The following DDX55 variants were observed in gnomAD, a reference collection of about 807,000 sequenced individuals.
DDX55 encodes the protein DEAD-box helicase 55.
DDX55 carries 56 observed loss-of-function variants against 69.2 expected under a neutral mutation model. That is an observed-to-expected ratio of 0.81 (90% CI 0.65 to 1.01). DDX55 has a LOEUF of 1.01. Ranked by LOEUF, DDX55 falls within the 50% of genes least tolerant of loss-of-function variation. DDX55 has a pLI of 0.00. For synonymous variants in DDX55, 268 were observed against 273.1 expected, an observed-to-expected ratio of 0.98 and a Z score of 0.18; for missense variants, 720 against 745.1, an observed-to-expected ratio of 0.97 and a Z score of 0.39.
intron 7 of DDX55, among the ~76,000 whole-genome samples, chr12:123,612,455 G>A (rs769115942): frequency 6.6e-6 from 1 of 152,170 alleles, no homozygotes. Flanking sequence ...TTTGAATGGA[G>A]GACTTGATTG....
chr12:123,605,152 C>T (rs1312771258), intron 1 of DDX55: 1 of 152,786 alleles, frequency 6.5e-6, no homozygotes, highest in Non-Finnish European at 1.5e-5. Flanking sequence ...TCCTGAGTAG[C>T]TGGGACTGCA....
At chr12:123,618,609 A>T in intron 11 of DDX55, 60 bp from the exon 12 acceptor site, 2 of 1,578,268 alleles carry the variant, frequency 1.3e-6, no homozygotes, top group Admixed American at 3.6e-5. Context: ...TGTGATGGGG[A>T]GCCCTGGGGA....
chr12:123,613,150 T>G lies in DDX55; in HGVS notation c.742-20T>G. Reference sequence around the variant, plus strand: ...TATTGCCAAATATGTTTTTTATTAGTTTCCCTTTTTATTTTGCAGGTATGC... The same window carrying G: ...TATTGCCAAATATGTTTTTTATTAGGTTCCCTTTTTATTTTGCAGGTATGC... On this transcript the variant is annotated intron_variant, in intron 7 of 13. Transcript: ENST00000238146. 6.2e-7 allele frequency: 1 copy of G among 1,612,834 alleles called. No homozygotes were observed. The highest frequency in any genetic ancestry group is 8.5e-7 in the Non-Finnish European group (1 of 1,179,054).
chr12:123,615,938 C>T (rs896619724), intron 9 of DDX55, among the ~76,000 whole-genome samples: 10 of 152,232 alleles, frequency 6.6e-5, no homozygotes, highest in Admixed American at 1.3e-4. Context: ...GCCGAGACTG[C>T]GCCAGTGCAC....
chr12:123,620,580 T>TTTTATA lies in DDX55; in HGVS notation c.*441_*442insTTATAT, dbSNP rs1491406627. On this transcript the variant is annotated 3_prime_UTR_variant, in exon 14 of 14. Coordinates refer to ENST00000238146, the MANE Select transcript of DDX55 (RefSeq NM_020936.3). Reference sequence around the variant, plus strand: ...GGTCACATATAGACATATGTACATATTATATATATATATATATATATATAT... The same window carrying TTTTATA: ...GGTCACATATAGACATATGTACATATTTTATATATATATATATATATATATATATAT... 6.1e-5 allele frequency: 4 copies of TTTTATA among 65,360 alleles called. No homozygotes were observed. The highest frequency in any genetic ancestry group is 2.8e-3 in the East Asian group (2 of 724). The allele number at this position is 65,360 out of a possible 1,614,324, so 4.0% of individuals were successfully genotyped here.
chr12:123,620,133 A>C lies in DDX55; in HGVS notation c.1796A>C (p.Asp599Ala), dbSNP rs17856855. ...TTAGGGATCTCAGATTTGGAAGATGACTGCTGATTCCAGTGCCACAGATGA... is the reference window on the plus strand; with the variant it reads ...TTAGGGATCTCAGATTTGGAAGATGCCTGCTGATTCCAGTGCCACAGATGA... ...VDLGISDLED[D>A]C Residue 599 changes from aspartate (D) to alanine (A), a missense_variant, in exon 14 of 14, where the codon GAC (aspartate) becomes GCC (alanine). Asp to Ala is a moderately radical substitution (Grantham distance 126). Transcript: ENST00000238146. 6.2e-7 allele frequency: 1 copy of C among 1,613,488 alleles called. No homozygotes were observed. The highest frequency in any genetic ancestry group is 8.5e-7 in the Non-Finnish European group (1 of 1,179,690).
At chr12:123,610,931 C>T (rs1451149909) in intron 7 of DDX55, among the ~76,000 whole-genome samples, 3 of 135,056 alleles carry the variant, frequency 2.2e-5, no homozygotes, top group Admixed American at 7.6e-5. Context: ...GACGGGGTCT[C>T]ACCCTGTCAC....
In DDX55 at chr12:123,602,187, T is replaced by C; in HGVS notation, c.39T>C (p.Pro13=). The change falls in exon 1 of 14, where the codon CCT becomes CCC. Residue 13 remains proline, a synonymous_variant. Transcript: ENST00000238146. ...CAGAGGGCTCCTGGGAGTCGCTGCC[T>C]GTGCCGCTGCACCCGCAGGTGCTGG... ...HVTEGSWESL[P]VPLHPQVLGA... 1 of 1,569,826 alleles carries C rather than the reference T, an allele frequency of 6.4e-7. No homozygotes were observed.
intron 1 of DDX55, among the ~76,000 whole-genome samples, chr12:123,603,473 C>T (rs1469354465): frequency 1.3e-5 from 2 of 148,986 alleles, no homozygotes; most frequent in Admixed American, 6.8e-5. Context: ...CTCACTGCAA[C>T]CTCCGCCTCC....
chr12:123,616,062 G>C (rs1954640740), intron 9 of DDX55, among the ~76,000 whole-genome samples: 1 of 152,184 alleles, frequency 6.6e-6, no homozygotes, highest in Non-Finnish European at 1.5e-5. Flanking sequence ...CAGGCAACTT[G>C]TGTCTACCAA....
chr12:123,619,472 G>C lies in DDX55; in HGVS notation c.1374G>C (p.Leu458=). The C allele has an allele frequency of 6.2e-7, 1 of 1,613,876 alleles. No homozygotes were observed. Among genetic ancestry groups the C allele is most frequent in the Non-Finnish European group, 8.5e-7 (1 of 1,179,874 alleles). The change falls in exon 13 of 14, where the codon CTG becomes CTC. Residue 458 remains leucine, a synonymous_variant. Coordinates refer to ENST00000238146, the MANE Select transcript of DDX55 (RefSeq NM_020936.3). ...FASLARGFAL[L]RMPKMPELRG... is the part of the protein sequence containing the mutation. Reference sequence around the variant, plus strand: ...GCCTTGCTCGAGGTTTTGCCCTGCTGAGGATGCCCAAGATGCCAGAATTGA... The same window carrying C: ...GCCTTGCTCGAGGTTTTGCCCTGCTCAGGATGCCCAAGATGCCAGAATTGA...
chr12:123,603,726 TC>T (rs1413797788), intron 1 of DDX55, among the ~76,000 whole-genome samples: 1 of 151,928 alleles, frequency 6.6e-6, no homozygotes, highest in Non-Finnish European at 1.5e-5. Context: ...TGTTACCATT[TC>T]CCAAGAATGA....
At position 123,607,657 on chromosome 12, in the gene DDX55, A is replaced by G. The variant is rs767924924; in HGVS notation, c.396A>G (p.Gln132=). The change falls in exon 5 of 14, where the codon CAA becomes CAG. Residue 132 remains glutamine, a synonymous_variant. Transcript: ENST00000238146. ...GAGAAGATGTTGAGAGGTTTAAGCA[A>G]CAAGGGTGAGTTTGCTCGTGTCTGC... ...NPGEDVERFK[Q]QGGNIIVATP... is the part of the protein sequence containing the mutation. The G allele has an allele frequency of 3.1e-6, 5 of 1,614,030 alleles. No homozygotes were observed. The Admixed American group carries it at 5.0e-5, about 16-fold the overall frequency.
rs748903983 is a variant in DDX55, at chr12:123,615,197, T to G, written c.837T>G (p.Cys279Trp). 1 of 1,614,074 alleles carries G rather than the reference T, an allele frequency of 6.2e-7. No homozygotes were observed. Among genetic ancestry groups the G allele is most frequent in the East Asian group, 2.2e-5 (1 of 44,872 alleles). ...KHLVFFSTCA[C>W]VEYYGKALEV... is the part of the protein sequence containing the mutation. Reference sequence around the variant, plus strand: ...GTCCCTCTTGCAGCACCTGTGCCTGTGTGGAATACTATGGGAAGGCTCTGG... The same window carrying G: ...GTCCCTCTTGCAGCACCTGTGCCTGGGTGGAATACTATGGGAAGGCTCTGG... Residue 279 changes from cysteine to tryptophan, a missense_variant, in exon 9 of 14, where the codon TGT (cysteine) becomes TGG (tryptophan). Cys to Trp is a radical substitution (Grantham distance 215). Coordinates refer to ENST00000238146, the MANE Select transcript of DDX55 (RefSeq NM_020936.3).
intron 1 of DDX55, chr12:123,605,489 G>C (rs1953832393): frequency 6.5e-6 from 2 of 306,016 alleles, no homozygotes; most frequent in South Asian, 5.9e-5. Context: ...ATCCTGGAGG[G>C]AGCAGCCTCC....
At chr12:123,607,991 G>A in intron 5 of DDX55, 1 of 361,830 alleles carries the variant, frequency 2.8e-6, no homozygotes, top group East Asian at 5.4e-5. Flanking sequence ...GGAGGACTCG[G>A]CTCAGTAGTG....
chr12:123,617,632 C>T, intron 10 of DDX55, 126 bp from the exon 11 acceptor site: 2 of 682,340 alleles, frequency 2.9e-6, no homozygotes, highest in Non-Finnish European at 4.8e-6. Context: ...GTGGCCGAGT[C>T]CACACTGAGC....
chr12:123,613,211 T>C lies in DDX55; in HGVS notation c.783T>C (p.Phe261=), dbSNP rs1335977811. 5.0e-6 allele frequency: 8 copies of C among 1,614,100 alleles called. No individual in the cohort carries two copies. In the African/African-American group the frequency reaches 9.3e-5, roughly 19 times the overall value. Residue 261 remains phenylalanine (F), a synonymous_variant, in exon 8 of 14, where the codon TTT becomes TTC. Transcript: ENST00000238146. ...AGAAATTTAATCAGCTGGTCCATTTTCTTCGCAATCATAAGCAGGAGAAAC... is the reference window on the plus strand; with the variant it reads ...AGAAATTTAATCAGCTGGTCCATTTCCTTCGCAATCATAAGCAGGAGAAAC... ...ADEKFNQLVH[F]LRNHKQEKHL...
Position 123,617,845 on chromosome 12 carries a change from C to G in DDX55, c.1137C>G (p.Tyr379Ter). ...LVFLLPMEESYINFLAINQKC... is the reference protein window; with the variant it reads ...LVFLLPMEES ...TCCTCCTGCCCATGGAAGAGTCATACATCAATTTCCTTGCAATTAACCAAA... is the reference window on the plus strand; with the variant it reads ...TCCTCCTGCCCATGGAAGAGTCATAGATCAATTTCCTTGCAATTAACCAAA... Residue 379 changes from tyrosine to a stop codon, truncating the protein, a stop_gained, in exon 11 of 14, where the codon TAC becomes TAG. Transcript: ENST00000238146. LOFTEE classifies it high-confidence loss of function. 2.5e-6 allele frequency: 4 copies of G among 1,614,200 alleles called. No individual in the cohort carries two copies. The highest frequency in any genetic ancestry group is 3.4e-6 in the Non-Finnish European group (4 of 1,180,046).
Sources: allele counts gnomAD v4.1 joint callset (sites outside exome capture counted in the v4.1 genomes callset), GRCh38; gene constraint gnomAD v4.1.1; transcripts MANE v1.5; gene names NCBI Gene and HGNC (gene_info 2026-07-23, HGNC 2026-07-21).